DLC1: variants seen among roughly 807,000 people sequenced by gnomAD.
The protein encoded by DLC1 is DLC1 Rho GTPase activating protein.
In DLC1, 54 loss-of-function variants were observed where a neutral mutation model predicts 140.3. That is an observed-to-expected ratio of 0.38 (90% CI 0.31 to 0.48). The LOEUF is 0.48. Ranked by LOEUF, DLC1 falls within the 20% of genes least tolerant of loss-of-function variation. DLC1 has a pLI of 0.96. For synonymous variants in DLC1, 986 were observed against 728.1 expected (o/e 1.35, Z -5.70); for missense variants, 2,536 against 1,907.0 (o/e 1.33, Z -6.14).
chr8:13,586,602 C>CACACAG (rs1161419017), intron 1 of DLC1, among the ~76,000 whole-genome samples: 3 of 130,722 alleles, frequency 2.3e-5, no homozygotes, highest in Non-Finnish European at 5.2e-5. Flanking sequence ...CACACACACA[C>CACACAG]ACACACACAC....
intron 2 of DLC1, among the ~76,000 whole-genome samples, chr8:13,498,271 A>G (rs1585207382): frequency 1.3e-5 from 2 of 152,306 alleles, no homozygotes; most frequent in South Asian, 4.1e-4. Context: ...GGGAAATTCT[A>G]TAGAAAAGAC....
intron 2 of DLC1, among the ~76,000 whole-genome samples, chr8:13,412,894 T>G (rs2117304951): frequency 7.5e-6 from 1 of 133,756 alleles, no homozygotes; most frequent in Non-Finnish European, 1.5e-5. Context: ...ATCGTGCCAC[T>G]GCACTCCAGT....
chr8:13,086,992 C>A (rs114065853), intron 16 of DLC1, among the ~76,000 whole-genome samples: 1,531 of 152,090 alleles, frequency 0.01, 22 homozygotes, highest in African/African-American at 0.035. Flanking sequence ...AAAGTGATAC[C>A]CCCCCATCTC....
intron 4 of DLC1, among the ~76,000 whole-genome samples, chr8:13,349,590 C>T (rs1449704268): frequency 6.6e-6 from 1 of 152,198 alleles, no homozygotes; most frequent in Non-Finnish European, 1.5e-5. Context: ...CCCACTTCAA[C>T]ACAAGCATTA....
At chr8:13,370,763 C>T (rs1285976363) in intron 4 of DLC1, among the ~76,000 whole-genome samples, 6 of 152,166 alleles carry the variant, frequency 3.9e-5, no homozygotes, top group South Asian at 2.1e-4. Flanking sequence ...ATGTGTACAG[C>T]ATCCCAAGCC....
intron 1 of DLC1, among the ~76,000 whole-genome samples, chr8:13,549,992 A>G (rs1803789991): frequency 6.6e-6 from 1 of 152,154 alleles, no homozygotes; most frequent in Non-Finnish European, 1.5e-5. Flanking sequence ...AGGTACTGAA[A>G]TTGAAGAAAT....
chr8:13,563,665 G>C (rs1294372383), intron 1 of DLC1, among the ~76,000 whole-genome samples: 1 of 152,042 alleles, frequency 6.6e-6, no homozygotes, highest in Admixed American at 6.6e-5. Flanking sequence ...GATCTCAAAA[G>C]CATTAAAAAT....
At chr8:13,431,352 G>A (rs943278651) in intron 2 of DLC1, among the ~76,000 whole-genome samples, 7 of 151,416 alleles carry the variant, frequency 4.6e-5, no homozygotes, top group African/African-American at 7.3e-5. Context: ...GCGAGGTGAC[G>A]GGTGCCTGTA....
chr8:13,283,204 A>G (rs967835017), intron 5 of DLC1, among the ~76,000 whole-genome samples: 15 of 152,060 alleles, frequency 9.9e-5, no homozygotes, highest in African/African-American at 3.6e-4. Context: ...TGATGGTAGG[A>G]CTCAAAAGAT....
At chr8:13,463,360 C>G (rs1290643712) in intron 2 of DLC1, among the ~76,000 whole-genome samples, 1 of 152,022 alleles carries the variant, frequency 6.6e-6, no homozygotes, top group Non-Finnish European at 1.5e-5. Flanking sequence ...AGAGATTAAT[C>G]ATTGAAAGAG....
chr8:13,272,869 G>A (rs140092376), intron 5 of DLC1, among the ~76,000 whole-genome samples: 35 of 152,168 alleles, frequency 2.3e-4, no homozygotes, highest in Middle Eastern at 3.4e-3. Context: ...GCGAGACTCC[G>A]TCTCAAAACA....
At chr8:13,257,429 C>T (rs1249722938) in intron 5 of DLC1, among the ~76,000 whole-genome samples, 9 of 131,734 alleles carry the variant, frequency 6.8e-5, no homozygotes, top group East Asian at 2.4e-4. Flanking sequence ...AGAGCAATAC[C>T]CTGTCTCAGG....
chr8:13,219,167 A>G (rs1372393534), intron 5 of DLC1, among the ~76,000 whole-genome samples: 2 of 54,976 alleles, frequency 3.6e-5, no homozygotes, highest in African/African-American at 7.0e-5. Context: ...TATGAATATA[A>G]CTATATAATT....
At chr8:13,433,456 G>C (rs1419534228) in intron 2 of DLC1, among the ~76,000 whole-genome samples, 2 of 152,176 alleles carry the variant, frequency 1.3e-5, no homozygotes, top group African/African-American at 2.4e-5. Context: ...AATCACAAAT[G>C]CCTGTCTCAT....
intron 5 of DLC1, among the ~76,000 whole-genome samples, chr8:13,200,154 T>G (rs954823151): frequency 1.3e-5 from 2 of 152,164 alleles, no homozygotes; most frequent in African/African-American, 2.4e-5. Context: ...GCGATTCTCC[T>G]GCCTCTGCCT....
chr8:13,397,421 A>C (rs1405059224), intron 3 of DLC1, among the ~76,000 whole-genome samples: 1 of 152,176 alleles, frequency 6.6e-6, no homozygotes, highest in Admixed American at 6.5e-5. Context: ...AAGTCAAGGA[A>C]GAGAAGCAGG....
intron 2 of DLC1, among the ~76,000 whole-genome samples, chr8:13,493,233 A>C (rs1296062541): frequency 6.6e-6 from 1 of 152,198 alleles, no homozygotes. Flanking sequence ...CTGCAGAGCT[A>C]TATATACCTA....
chr8:13,115,618 G>A lies in DLC1; in HGVS notation c.1388C>T (p.Thr463Ile). The change falls in exon 6 of 18, where the codon ACT becomes ATT. Residue 463 changes from threonine to isoleucine, a missense_variant. Thr to Ile is a moderately conservative substitution (Grantham distance 89). Transcript: ENST00000276297. The part of the protein sequence containing the change: ...AKEACDWLRA[T>I]GFPQYAQLYE... Reference sequence around the variant, plus strand: ...AAGCTGTGCATACTGGGGGAAACCAGTTGCCCGTAGCCAATCACAAGCTTC... The same window carrying A: ...AAGCTGTGCATACTGGGGGAAACCAATTGCCCGTAGCCAATCACAAGCTTC... The A allele has an allele frequency of 6.2e-7, 1 of 1,614,104 alleles. No homozygotes were observed. Among genetic ancestry groups the A allele is most frequent in the African/African-American group, 1.3e-5 (1 of 75,052 alleles).
At chr8:13,139,984 G>A (rs1822853105) in intron 5 of DLC1, among the ~76,000 whole-genome samples, 1 of 152,136 alleles carries the variant, frequency 6.6e-6, no homozygotes, top group Admixed American at 6.6e-5. Flanking sequence ...GTTATTGTGT[G>A]ACGATCACCG....
Sources: gnomAD v4.1 joint callset for allele counts (sites outside exome capture counted in the v4.1 genomes callset) on GRCh38, gnomAD v4.1.1 for gene constraint, MANE v1.5 for transcripts, NCBI Gene and HGNC (gene_info 2026-07-23, HGNC 2026-07-21) for gene names.